Variants in PAX7 observed in about 807,000 individuals in gnomAD.
PAX7 encodes the protein paired box protein Pax-7.
A neutral mutation model predicts 50.7 loss-of-function variants in PAX7; 18 were observed. That is an observed-to-expected ratio of 0.36 (90% confidence interval 0.25 to 0.53). The LOEUF (loss-of-function observed/expected upper bound fraction) is 0.53, where lower values mean the gene tolerates loss of function less well. Ranked by LOEUF, PAX7 falls within the 20% of genes least tolerant of loss-of-function variation. PAX7 has a pLI of 0.93. For synonymous variants in PAX7, 310 were observed against 290.4 expected (o/e 1.07, Z -0.69); for missense variants, 644 against 702.9 (o/e 0.92, Z 0.95).
chr1:18,710,743 C>T (rs2089340364), intron 7 of PAX7, among the ~76,000 whole-genome samples: 1 of 152,090 alleles, frequency 6.6e-6, no homozygotes, highest in Admixed American at 6.5e-5. Flanking sequence ...CTCCTTCACA[C>T]ATATTTTATT....
intron 7 of PAX7, among the ~76,000 whole-genome samples, chr1:18,708,054 A>T (rs1187678476): frequency 6.6e-6 from 1 of 152,096 alleles, no homozygotes. Context: ...TAATAGGATT[A>T]GGGATTAGGC....
intron 7 of PAX7, among the ~76,000 whole-genome samples, chr1:18,727,069 T>A (rs148971905): frequency 1.1e-3 from 166 of 152,022 alleles, no homozygotes; most frequent in African/African-American, 3.8e-3. Flanking sequence ...GCACATGCAA[T>A]ACTTATGCAC....
In PAX7 at chr1:18,744,862, G is replaced by T; in HGVS notation, c.1451G>T (p.Arg484Leu). The T allele has an allele frequency of 6.4e-7, 1 of 1,558,472 alleles. No homozygotes were observed. Among genetic ancestry groups the T allele is most frequent in the Non-Finnish European group, 8.7e-7 (1 of 1,150,850 alleles). Residue 484 changes from arginine to leucine, a missense_variant, in exon 9 of 9, where the codon CGC (arginine) becomes CTC (leucine). By Grantham distance (102) the Arg-to-Leu change is moderately radical. Coordinates refer to ENST00000420770, the MANE Select transcript of PAX7 (RefSeq NM_001135254.2). ...AATGTGAGCCTCTCCACCCAGCGTC[G>T]CATGAAGCTCGGGGAGCACTCTGCT... The part of the protein sequence containing the change: ...AKNVSLSTQR[R>L]MKLGEHSAVL...
intron 7 of PAX7, among the ~76,000 whole-genome samples, chr1:18,725,979 A>AGTGTGTGTGTGTGTGT (rs112228737): frequency 6.9e-6 from 1 of 145,510 alleles, no homozygotes; most frequent in African/African-American, 2.6e-5. Flanking sequence ...ACATTGGAAG[A>AGTGTGTGTGTGTGTGT]GTGTGTGTGT....
At chr1:18,707,415 C>CTTT (rs60914648) in intron 7 of PAX7, among the ~76,000 whole-genome samples, 26 of 28,034 alleles carry the variant, frequency 9.3e-4, no homozygotes, top group South Asian at 1.8e-3. Flanking sequence ...TTTTTTCTTT[C>CTTT]TTTTTTTTTT....
rs1334442977 is a variant in PAX7, at chr1:18,672,601, T to TTG, written c.587-19152_587-19151insGT. Among the ~76,000 whole-genome samples, 5 of 147,074 alleles carry TTG rather than the reference T, an allele frequency of 3.4e-5. No individual in the cohort carries two copies. In the East Asian group the frequency reaches 9.9e-4, roughly 29 times the overall value. The stretch of plus-strand genomic sequence containing the variant: ...CCTAGACTGGAGAGCACTGTGTTTT[T>TTG]TTTTTTTTTTTTTTTTGTGAGACTA... On this transcript the variant is annotated intron_variant, in intron 4 of 8. Transcript: ENST00000420770.
At position 18,709,209 on chromosome 1, in the gene PAX7, G is replaced by C. The variant is rs533594359; in HGVS notation, c.1155+5913G>C. 6.6e-5 allele frequency among the ~76,000 whole-genome samples: 10 copies of C among 152,214 alleles called. 1 individual carries two copies. The highest frequency in any genetic ancestry group is 2.4e-4 in the African/African-American group (10 of 41,536). On this transcript the variant is annotated intron_variant, in intron 7 of 8. Coordinates refer to ENST00000420770, the MANE Select transcript of PAX7 (RefSeq NM_001135254.2). ...GAGATTTTCTGAAAATCACACGGTT[G>C]GGTTAGCGGCATCCTTGGCTGGGGT...
intron 8 of PAX7, among the ~76,000 whole-genome samples, chr1:18,737,772 G>A (rs987817435): frequency 6.6e-6 from 1 of 152,268 alleles, no homozygotes; most frequent in Non-Finnish European, 1.5e-5. Flanking sequence ...ATGTTTAAAT[G>A]TGCATTCAAG....
At chr1:18,727,665 G>A (rs2089591919) in intron 7 of PAX7, among the ~76,000 whole-genome samples, 1 of 152,222 alleles carries the variant, frequency 6.6e-6, no homozygotes, top group African/African-American at 2.4e-5. Context: ...AAACTGTAAA[G>A]TGCTGTGCTT....
chr1:18,678,209 C>T (rs189056039), intron 4 of PAX7, among the ~76,000 whole-genome samples: 17 of 152,200 alleles, frequency 1.1e-4, no homozygotes, highest in African/African-American at 2.2e-4. Flanking sequence ...GTTGGGAATT[C>T]GTGACAAGCC....
chr1:18,654,837 A>G (rs748668986), intron 4 of PAX7, among the ~76,000 whole-genome samples: 24 of 152,224 alleles, frequency 1.6e-4, no homozygotes, highest in Non-Finnish European at 2.5e-4. Context: ...TCAGTGAGGT[A>G]AAGTCACTTG....
At chr1:18,691,693 C>A (rs1406293511) in intron 4 of PAX7, 61 bp from the exon 5 acceptor site, 2 of 1,478,012 alleles carry the variant, frequency 1.4e-6, no homozygotes, top group Non-Finnish European at 1.8e-6. Context: ...TCCTCCCAGA[C>A]CCCGGCACCC....
At chr1:18,672,287 A>G (rs2088760426) in intron 4 of PAX7, among the ~76,000 whole-genome samples, 1 of 152,176 alleles carries the variant, frequency 6.6e-6, no homozygotes, top group Non-Finnish European at 1.5e-5. Flanking sequence ...TCCTGGTATT[A>G]CAGATCTAGC....
chr1:18,678,304 C>T (rs1046753281), intron 4 of PAX7, among the ~76,000 whole-genome samples: 2 of 151,980 alleles, frequency 1.3e-5, no homozygotes, highest in Non-Finnish European at 2.9e-5. Context: ...GAGGCTGAGA[C>T]AGGAGAATCG....
intron 8 of PAX7, among the ~76,000 whole-genome samples, chr1:18,739,364 G>T (rs140010059): frequency 2.0e-5 from 3 of 152,322 alleles, no homozygotes; most frequent in Non-Finnish European, 2.9e-5. Context: ...AGACACACAC[G>T]CAGAGAGAGG....
chr1:18,679,688 A>AGGATG (rs1430299524), intron 4 of PAX7, among the ~76,000 whole-genome samples: 4 of 152,286 alleles, frequency 2.6e-5, no homozygotes, highest in African/African-American at 9.6e-5. Context: ...TTCTGGGAAA[A>AGGATG]GGATGGGATG....
At chr1:18,684,175 C>T (rs2088940313) in intron 4 of PAX7, among the ~76,000 whole-genome samples, 1 of 152,174 alleles carries the variant, frequency 6.6e-6, no homozygotes, top group African/African-American at 2.4e-5. Context: ...AAGGTGGTGG[C>T]TGGAGTCCAG....
At chr1:18,720,811 G>A (rs1022612304) in intron 7 of PAX7, among the ~76,000 whole-genome samples, 5 of 151,916 alleles carry the variant, frequency 3.3e-5, no homozygotes, top group Non-Finnish European at 7.4e-5. Flanking sequence ...GGAGGCAGGG[G>A]CATATACAAG....
At chr1:18,741,224 A>C (rs1931114073) in intron 8 of PAX7, among the ~76,000 whole-genome samples, 1 of 152,174 alleles carries the variant, frequency 6.6e-6, no homozygotes, top group Non-Finnish European at 1.5e-5. Flanking sequence ...CAAAGTGGGC[A>C]GATCACCTGA....
Sources: allele counts gnomAD v4.1 joint callset (sites outside exome capture counted in the v4.1 genomes callset), GRCh38; gene constraint gnomAD v4.1.1; transcripts MANE v1.5; gene names NCBI Gene and HGNC (gene_info 2026-07-23, HGNC 2026-07-21).